Variants in PAX7 observed in about 807,000 individuals in gnomAD.
PAX7 encodes paired box 7, also known as paired box protein Pax-7.
In PAX7, 18 loss-of-function variants were observed where a neutral mutation model predicts 50.7. The ratio of observed to expected loss-of-function variants is 0.36; its 90% confidence interval spans 0.25 to 0.53. The LOEUF is 0.53. Among genes scored for constraint, PAX7 ranks in the 20% least tolerant of loss-of-function variants. PAX7 has a pLI of 0.93. For synonymous variants in PAX7, 310 were observed against 290.4 expected, an observed-to-expected ratio of 1.07 and a Z score of -0.69; for missense variants, 644 against 702.9, an observed-to-expected ratio of 0.92 and a Z score of 0.95.
intron 8 of PAX7, among the ~76,000 whole-genome samples, chr1:18,736,302 T>C (rs568064952): frequency 6.6e-6 from 1 of 151,890 alleles, no homozygotes; most frequent in Non-Finnish European, 1.5e-5. Context: ...CTGTCTCTAC[T>C]AAAAATACAA....
intron 4 of PAX7, among the ~76,000 whole-genome samples, chr1:18,662,129 G>T (rs1368294476): frequency 1.3e-5 from 2 of 151,864 alleles, no homozygotes; most frequent in Admixed American, 6.6e-5. Context: ...GGTGGGTGCT[G>T]GGGGGTTGAG....
intron 4 of PAX7, among the ~76,000 whole-genome samples, chr1:18,673,611 C>CA (rs1003346312): frequency 7.3e-5 from 11 of 151,704 alleles, no homozygotes; most frequent in African/African-American, 1.9e-4. Flanking sequence ...TTTTATTGAT[C>CA]AAAAAAAAGT....
chr1:18,728,449 C>T (rs1017975412), intron 7 of PAX7, among the ~76,000 whole-genome samples: 6 of 152,002 alleles, frequency 3.9e-5, no homozygotes, highest in African/African-American at 1.2e-4. Context: ...CCCATATCTT[C>T]GCCTGTATGA....
chr1:18,647,206 G>C (rs1259883026), intron 4 of PAX7, among the ~76,000 whole-genome samples: 1 of 152,190 alleles, frequency 6.6e-6, no homozygotes, highest in East Asian at 1.9e-4. Context: ...GGAGGGGAGG[G>C]GGGCAAAGGA....
intron 8 of PAX7, among the ~76,000 whole-genome samples, chr1:18,738,207 G>A (rs1930911158): frequency 6.6e-6 from 1 of 152,140 alleles, no homozygotes; most frequent in South Asian, 2.1e-4. Context: ...CAGGGTGCAC[G>A]CATGTGCATG....
intron 4 of PAX7, among the ~76,000 whole-genome samples, chr1:18,650,353 C>T (rs1426431556): frequency 4.6e-5 from 7 of 152,252 alleles, no homozygotes; most frequent in Admixed American, 3.9e-4. Flanking sequence ...TCTTCAGTCC[C>T]TGCCCGGCTT....
intron 4 of PAX7, among the ~76,000 whole-genome samples, chr1:18,667,640 G>C (rs1236657249): frequency 6.6e-6 from 1 of 152,126 alleles, no homozygotes; most frequent in Non-Finnish European, 1.5e-5. Flanking sequence ...ACAAGTCATG[G>C]AATCCTGGGT....
intron 4 of PAX7, among the ~76,000 whole-genome samples, chr1:18,659,156 G>A (rs2088565712): frequency 6.6e-6 from 1 of 152,202 alleles, no homozygotes; most frequent in African/African-American, 2.4e-5. Flanking sequence ...AGTGAGTTTT[G>A]TTCTGTGTTT....
At chr1:18,713,932 C>T (rs188597242) in intron 7 of PAX7, among the ~76,000 whole-genome samples, 42 of 152,312 alleles carry the variant, frequency 2.8e-4, no homozygotes, top group Admixed American at 2.7e-3. Context: ...CGTGCTCAGC[C>T]GGGCACAGTG....
At chr1:18,712,635 C>T (rs1325156286) in intron 7 of PAX7, among the ~76,000 whole-genome samples, 4 of 152,158 alleles carry the variant, frequency 2.6e-5, no homozygotes, top group Non-Finnish European at 5.9e-5. Flanking sequence ...TTCAGGGTGA[C>T]ATTAGAGCCC....
At chr1:18,743,226 CA>C (rs1421180276) in intron 8 of PAX7, among the ~76,000 whole-genome samples, 13 of 152,246 alleles carry the variant, frequency 8.5e-5, no homozygotes, top group Non-Finnish European at 1.9e-4. Context: ...ATTTTACAGA[CA>C]AGGAAACTGA....
At chr1:18,705,812 A>G (rs555344914) in intron 7 of PAX7, among the ~76,000 whole-genome samples, 5 of 152,256 alleles carry the variant, frequency 3.3e-5, no homozygotes, top group African/African-American at 1.2e-4. Context: ...ATTTTACTGA[A>G]GCTAAAAGCG....
chr1:18,649,476 G>A (rs1421210096), intron 4 of PAX7, among the ~76,000 whole-genome samples: 5 of 152,080 alleles, frequency 3.3e-5, no homozygotes, highest in Admixed American at 1.3e-4. Context: ...GAAGCCTGAA[G>A]GGCAGCAAGA....
At chr1:18,669,571 G>T (rs533188141) in intron 4 of PAX7, among the ~76,000 whole-genome samples, 1 of 152,146 alleles carries the variant, frequency 6.6e-6, no homozygotes, top group Non-Finnish European at 1.5e-5. Flanking sequence ...TATCTCTCAG[G>T]TTGCTTCCAG....
intron 7 of PAX7, among the ~76,000 whole-genome samples, chr1:18,705,078 G>A (rs371328401): frequency 1.3e-5 from 2 of 152,318 alleles, no homozygotes; most frequent in East Asian, 3.9e-4. Flanking sequence ...GAAGGGTGAT[G>A]CCACTTACTT....
intron 7 of PAX7, among the ~76,000 whole-genome samples, chr1:18,706,449 T>A (rs1285671076): frequency 2.1e-5 from 2 of 93,650 alleles, no homozygotes; most frequent in African/African-American, 5.9e-5. Flanking sequence ...TTTTCTTTTC[T>A]CTCTCTCTCT....
In PAX7 at chr1:18,735,387, G is replaced by T. The variant is rs1004326806; in HGVS notation, c.1156-245G>T. Among the ~76,000 whole-genome samples the T allele has an allele frequency of 2.6e-5, 4 of 152,182 alleles. No homozygotes were observed. Among genetic ancestry groups the T allele is most frequent in the Admixed American group, 1.3e-4 (2 of 15,282 alleles). ...CTAGAGAGGCGAGTAAGGCCCTGCT[G>T]AGTTCTCAGTGGAAGGAGGATCCCT... On this transcript the variant is annotated intron_variant, in intron 7 of 8. Transcript: ENST00000420770. This position sits in a 1 kb window ranked among gnomAD's most constrained non-coding sequence, Gnocchi z 4.0.
intron 7 of PAX7, among the ~76,000 whole-genome samples, chr1:18,724,077 C>T (rs1008418344): frequency 2.0e-5 from 3 of 152,258 alleles, no homozygotes; most frequent in South Asian, 2.1e-4. Context: ...CAGGCCGCTG[C>T]GTGCTCGGTG....
chr1:18,686,777 C>T (rs370596950), intron 4 of PAX7, among the ~76,000 whole-genome samples: 6 of 152,234 alleles, frequency 3.9e-5, no homozygotes, highest in African/African-American at 1.4e-4. Context: ...CTCCCCGCCC[C>T]GTTTCCTTTT....
Sources: gnomAD v4.1 joint callset for allele counts (sites outside exome capture counted in the v4.1 genomes callset) on GRCh38, gnomAD v4.1.1 for gene constraint, Gnocchi (gnomAD v3.1) non-coding constraint, MANE v1.5 for transcripts, NCBI Gene and HGNC (gene_info 2026-07-23, HGNC 2026-07-21) for gene names.